THRB: variants seen among roughly 807,000 people sequenced by gnomAD.
THRB encodes the protein nuclear receptor subfamily 1 group A member 2.
A neutral mutation model predicts 47.8 loss-of-function variants in THRB; 12 were observed. The observed-to-expected ratio is 0.25, with a 90% CI of 0.16 to 0.41. The LOEUF is 0.41. Ranked by LOEUF, THRB falls within the 10% of genes least tolerant of loss-of-function variation. The pLI is 1.00. For synonymous variants in THRB, 218 were observed against 212.2 expected, an observed-to-expected ratio of 1.03 and a Z score of -0.24; for missense variants, 348 against 589.2, an observed-to-expected ratio of 0.59 and a Z score of 4.24.
At chr3:24,385,935 G>A (rs780227822) in intron 1 of THRB, among the ~76,000 whole-genome samples, 2 of 152,130 alleles carry the variant, frequency 1.3e-5, no homozygotes, top group Non-Finnish European at 2.9e-5. Context: ...ACAGTGGCAG[G>A]TTACTTCATG....
intron 3 of THRB, among the ~76,000 whole-genome samples, chr3:24,274,799 T>C (rs1410366307): frequency 4.6e-5 from 7 of 152,324 alleles, no homozygotes; most frequent in African/African-American, 9.6e-5. Flanking sequence ...CTGAGCCTAA[T>C]AGAAAATTTT....
At chr3:24,164,859 T>C (rs1369691257) in intron 5 of THRB, among the ~76,000 whole-genome samples, 1 of 152,208 alleles carries the variant, frequency 6.6e-6, no homozygotes, top group East Asian at 1.9e-4. Context: ...ATCTTGATGT[T>C]CACAGAGTCC....
At chr3:24,280,682 A>T (rs1023856023) in intron 3 of THRB, among the ~76,000 whole-genome samples, 3 of 152,120 alleles carry the variant, frequency 2.0e-5, no homozygotes, top group African/African-American at 7.2e-5. Context: ...TAAGTTGAAA[A>T]CTTTGAAAAA....
chr3:24,289,872 G>T (rs2055741468), intron 3 of THRB, among the ~76,000 whole-genome samples: 2 of 152,004 alleles, frequency 1.3e-5, no homozygotes, highest in Non-Finnish European at 2.9e-5. Context: ...CCCTATCATG[G>T]TGACAAACCT....
intron 3 of THRB, among the ~76,000 whole-genome samples, chr3:24,243,818 A>G (rs2049832131): frequency 1.3e-5 from 2 of 152,146 alleles, no homozygotes; most frequent in Non-Finnish European, 2.9e-5. Context: ...GTGCTAACAC[A>G]GTGTGTAGTT....
chr3:24,326,229 C>A (rs559682395), intron 2 of THRB, among the ~76,000 whole-genome samples: 16 of 152,196 alleles, frequency 1.1e-4, no homozygotes, highest in African/African-American at 3.9e-4. Flanking sequence ...CGGTTAGTTA[C>A]AACTTTCTTT....
At chr3:24,186,944 CAAAAAAAA>C (rs71057655) in intron 5 of THRB, among the ~76,000 whole-genome samples, 5 of 77,534 alleles carry the variant, frequency 6.4e-5, no homozygotes, top group South Asian at 5.5e-4. Flanking sequence ...GACTCCATTT[CAAAAAAAA>C]AAAAAAAAAA....
intron 3 of THRB, among the ~76,000 whole-genome samples, chr3:24,283,135 G>C (rs1323778992): frequency 6.6e-6 from 1 of 151,870 alleles, no homozygotes; most frequent in Non-Finnish European, 1.5e-5. Context: ...AACCAAAAAA[G>C]AGAATTTTAG....
chr3:24,384,765 A>G lies in THRB; in HGVS notation c.-260-47394T>C, dbSNP rs76840942. 4.8e-4 allele frequency among the ~76,000 whole-genome samples: 73 copies of G among 152,264 alleles called. 2 individuals carry two copies. Among genetic ancestry groups the G allele is most frequent in the African/African-American group, 1.6e-3 (67 of 41,568 alleles). On this transcript the variant is annotated intron_variant, in intron 1 of 10. Coordinates refer to ENST00000646209, the MANE Select transcript of THRB (RefSeq NM_001354712.2). ...CTCCAATAAATACATTTCAGAATTT[A>G]TTGATATGGAAACATTGTACTTAAA...
At chr3:24,480,029 T>TC (rs1696130713) in intron 1 of THRB, among the ~76,000 whole-genome samples, 1 of 151,914 alleles carries the variant, frequency 6.6e-6, no homozygotes, top group Non-Finnish European at 1.5e-5. Context: ...TGTATAAGAG[T>TC]CCCCCAGTGT....
chr3:24,193,427 A>G (rs862246), intron 4 of THRB, among the ~76,000 whole-genome samples: 3,367 of 152,302 alleles, frequency 0.022, 129 homozygotes, highest in Admixed American at 0.1. Context: ...CAGGGTTAAG[A>G]TAAATTTAAG....
intron 1 of THRB, among the ~76,000 whole-genome samples, chr3:24,489,214 C>T (rs1218831914): frequency 6.6e-6 from 1 of 151,636 alleles, no homozygotes; most frequent in African/African-American, 2.4e-5. Flanking sequence ...TGTACTCCAG[C>T]CTGGCAACAG....
intron 1 of THRB, among the ~76,000 whole-genome samples, chr3:24,431,580 T>A (rs2070428140): frequency 6.6e-6 from 1 of 152,074 alleles, no homozygotes; most frequent in Admixed American, 6.6e-5. Context: ...AAAAATACAT[T>A]TGAGTTACCT....
At chr3:24,155,604 G>T (rs1390569452) in intron 5 of THRB, among the ~76,000 whole-genome samples, 1 of 152,164 alleles carries the variant, frequency 6.6e-6, no homozygotes, top group Non-Finnish European at 1.5e-5. Context: ...TTCTCCTAGA[G>T]AACTTAACCA....
intron 3 of THRB, among the ~76,000 whole-genome samples, chr3:24,288,224 T>C (rs2055536019): frequency 1.3e-5 from 2 of 152,248 alleles, no homozygotes. Context: ...AGACAGCCAG[T>C]GGCTGGAAGC....
intron 3 of THRB, among the ~76,000 whole-genome samples, chr3:24,290,114 A>T (rs187158025): frequency 1.4e-4 from 21 of 152,368 alleles, no homozygotes; most frequent in African/African-American, 5.0e-4. Context: ...GCAAGGCAAT[A>T]AAGTTTTCCA....
At position 24,286,238 on chromosome 3, in the gene THRB, C is replaced by T. The variant is rs537783966; in HGVS notation, c.-43+10988G>A. Among the ~76,000 whole-genome samples, 4 of 152,306 alleles carry T rather than the reference C, an allele frequency of 2.6e-5. No homozygotes were observed. In the South Asian group the frequency reaches 8.3e-4, roughly 32 times the overall value. On this transcript the variant is annotated intron_variant, in intron 3 of 10. Coordinates refer to ENST00000646209, the MANE Select transcript of THRB (RefSeq NM_001354712.2). ...TGATATTTTGTTACAGCAGCCTGAA[C>T]TATGACATACCTCTTCCCATTTAGA...
At chr3:24,492,112 T>C (rs1698231496) in intron 1 of THRB, among the ~76,000 whole-genome samples, 1 of 152,206 alleles carries the variant, frequency 6.6e-6, no homozygotes, top group Non-Finnish European at 1.5e-5. Context: ...CCACTTAGGA[T>C]GTGTAGTCAG....
At chr3:24,307,534 C>T (rs2057441887) in intron 2 of THRB, among the ~76,000 whole-genome samples, 1 of 152,062 alleles carries the variant, frequency 6.6e-6, no homozygotes, top group Non-Finnish European at 1.5e-5. Context: ...GTAGATATAA[C>T]ATTAAATATT....
Sources: allele counts gnomAD v4.1 joint callset (sites outside exome capture counted in the v4.1 genomes callset), GRCh38; gene constraint gnomAD v4.1.1; transcripts MANE v1.5; gene names NCBI Gene and HGNC (gene_info 2026-07-23, HGNC 2026-07-21).